The following AP4S1 variants were observed in gnomAD, a reference collection of about 807,000 sequenced individuals.
AP4S1 encodes AP-4 complex subunit sigma-1.
Under a neutral mutation model 19.8 loss-of-function variants are expected in AP4S1, and 23 were observed. The observed-to-expected ratio is 1.16, with a 90% confidence interval of 0.84 to 1.65. The LOEUF (loss-of-function observed/expected upper bound fraction) is 1.65, where lower values mean the gene tolerates loss of function less well. AP4S1 is among the 40% of genes most tolerant of loss of function. AP4S1 has a pLI of 0.00. For synonymous variants in AP4S1, 46 were observed against 54.1 expected, an observed-to-expected ratio of 0.85 and a Z score of 0.66; for missense variants, 166 against 172.8, an observed-to-expected ratio of 0.96 and a Z score of 0.22.
intron 1 of AP4S1, among the ~76,000 whole-genome samples, chr14:31,039,194 CT>C (rs34978552): frequency 4.0e-5 from 6 of 150,798 alleles, no homozygotes; most frequent in African/African-American, 1.2e-4. Flanking sequence ...TTTTTCTTTA[CT>C]TTTTTTTTGA....
At chr14:31,080,114 T>C (rs1887560799) in intron 4 of AP4S1, among the ~76,000 whole-genome samples, 1 of 152,224 alleles carries the variant, frequency 6.6e-6, no homozygotes, top group South Asian at 2.1e-4. Flanking sequence ...CCCTCCTTGA[T>C]AGATATTTAG....
intron 3 of AP4S1, among the ~76,000 whole-genome samples, chr14:31,070,317 T>C (rs1249989566): frequency 6.6e-6 from 1 of 152,236 alleles, no homozygotes; most frequent in Non-Finnish European, 1.5e-5. Context: ...CATAGCTCAC[T>C]GCAGCCTTGA....
At chr14:31,084,444 G>A (rs540176565) in intron 5 of AP4S1, among the ~76,000 whole-genome samples, 18 of 152,334 alleles carry the variant, frequency 1.2e-4, no homozygotes, top group Admixed American at 2.6e-4. Context: ...AGACAGATTG[G>A]ATTTTAAAAA....
intron 1 of AP4S1, chr14:31,026,295 G>T (rs1883926007): frequency 8.3e-7 from 1 of 1,199,190 alleles, no homozygotes; most frequent in Non-Finnish European, 1.1e-6. Flanking sequence ...CGGGAGAGGG[G>T]CGGGGAAGGG....
chr14:31,071,399 T>A (rs531642300), intron 3 of AP4S1, among the ~76,000 whole-genome samples: 3 of 152,236 alleles, frequency 2.0e-5, no homozygotes, highest in South Asian at 4.1e-4. Flanking sequence ...TCTGGCTAGA[T>A]TCATCATGGA....
rs547539005 is a variant in AP4S1 at position 31,095,187 on chromosome 14, C to T, written c.*2152C>T. On this transcript the variant is annotated 3_prime_UTR_variant, in exon 6 of 6. Transcript: ENST00000542754. ...CCAACCTGGGTAATGGAGTGAGGCC[C>T]TGCCTCAAAAACACAAAAACAAAAC... is the stretch of plus-strand genomic sequence containing the variant. The T allele has an allele frequency of 6.6e-6, 1 of 152,180 alleles. No individual in the cohort carries two copies. The highest frequency in any genetic ancestry group is 6.5e-5 in the Admixed American group (1 of 15,278). The allele number at this position is 152,180 out of a possible 1,614,324, so 9.4% of individuals were successfully genotyped here.
intron 1 of AP4S1, among the ~76,000 whole-genome samples, chr14:31,055,697 G>C (rs560800794): frequency 7.0e-6 from 1 of 142,586 alleles, no homozygotes; most frequent in East Asian, 2.0e-4. Context: ...AGGCAAAAAA[G>C]AAATGTTTTT....
chr14:31,039,126 C>G (rs1191188575), intron 1 of AP4S1, among the ~76,000 whole-genome samples: 1 of 152,068 alleles, frequency 6.6e-6, no homozygotes, highest in African/African-American at 2.4e-5. Context: ...CCGCAGCCTC[C>G]CAAAGCACTG....
Position 31,079,313 on chromosome 14 carries a change from T to C in AP4S1, c.295-1260T>C, listed in dbSNP as rs59852042. 7.7e-3 allele frequency among the ~76,000 whole-genome samples: 1,175 copies of C among 152,328 alleles called. 15 individuals carry two copies. Among genetic ancestry groups the C allele is most frequent in the African/African-American group, 0.026 (1,092 of 41,588 alleles). On this transcript the variant is annotated intron_variant, in intron 4 of 5. Coordinates refer to ENST00000542754, the MANE Select transcript of AP4S1 (RefSeq NM_001128126.3). ...AGAGGAAAGCGAATACATGTAGTTA[T>C]GCATTTGTCTAAACCCATGGAATGT...
In AP4S1 at chr14:31,079,680, G is replaced by C. The variant is rs1055957580; in HGVS notation, c.295-893G>C. On this transcript the variant is annotated intron_variant, in intron 4 of 5. Transcript: ENST00000542754. ...GTCTCTACAAAAAATACAAAAATTA[G>C]CCAGGTGTGGTGGCTCACACCTCTA... Among the ~76,000 whole-genome samples, 7 of 152,068 alleles carry C rather than the reference G, an allele frequency of 4.6e-5. No individual in the cohort carries two copies. The South Asian group carries it at 1.0e-3, about 23-fold the overall frequency.
intron 1 of AP4S1, among the ~76,000 whole-genome samples, chr14:31,027,542 G>C (rs780344943): frequency 6.6e-5 from 10 of 151,550 alleles, no homozygotes; most frequent in Non-Finnish European, 1.2e-4. Context: ...CACACCTGTA[G>C]TCCCAGCTCC....
chr14:31,077,936 A>G lies in AP4S1; in HGVS notation c.295-2637A>G, dbSNP rs535827096. 5.8e-4 allele frequency among the ~76,000 whole-genome samples: 88 copies of G among 152,112 alleles called. 2 individuals carry two copies. Among genetic ancestry groups the G allele is most frequent in the Admixed American group, 5.8e-3 (88 of 15,270 alleles). On this transcript the variant is annotated intron_variant, in intron 4 of 5. Coordinates refer to ENST00000542754, the MANE Select transcript of AP4S1 (RefSeq NM_001128126.3). ...TTTTTAGTAGAGTTAGGGTTTCACC[A>G]TATTGGCCAGGATGGTCTCGATTTC...
intron 5 of AP4S1, chr14:31,085,767 G>C: frequency 1.0e-6 from 1 of 952,446 alleles, no homozygotes; most frequent in Non-Finnish European, 1.3e-6. Flanking sequence ...GCGAGACCTT[G>C]TCTTTAAAAA....
chr14:31,090,468 C>G (rs1423203117), intron 5 of AP4S1, among the ~76,000 whole-genome samples: 1 of 152,208 alleles, frequency 6.6e-6, no homozygotes, highest in Non-Finnish European at 1.5e-5. Context: ...CTCATGTCAG[C>G]TCAACCTTAG....
chr14:31,091,511 A>G (rs1438602143), intron 5 of AP4S1, among the ~76,000 whole-genome samples: 4 of 151,548 alleles, frequency 2.6e-5, no homozygotes, highest in Non-Finnish European at 5.9e-5. Flanking sequence ...ATTAATAGGT[A>G]TATCAGAATA....
intron 1 of AP4S1, chr14:31,026,295 G>C: frequency 8.3e-7 from 1 of 1,199,298 alleles, no homozygotes; most frequent in Non-Finnish European, 1.1e-6. Flanking sequence ...CGGGAGAGGG[G>C]CGGGGAAGGG....
At chr14:31,059,106 G>C (rs748651028) in intron 1 of AP4S1, among the ~76,000 whole-genome samples, 37 of 151,932 alleles carry the variant, frequency 2.4e-4, no homozygotes, top group Non-Finnish European at 3.8e-4. Context: ...GTTTATTTTG[G>C]CATTGTATAT....
intron 2 of AP4S1, among the ~76,000 whole-genome samples, chr14:31,069,515 G>A (rs368050088): frequency 5.3e-5 from 8 of 152,202 alleles, no homozygotes; most frequent in Non-Finnish European, 1.0e-4. Flanking sequence ...GCTTATTTTC[G>A]CTTCAGAGGC....
rs1261304152 is a variant in AP4S1, at chr14:31,054,870, A to T, written c.-71-11256A>T. On this transcript the variant is annotated intron_variant, in intron 1 of 5. Transcript: ENST00000542754. ...GTGATAGAGCAAGACTCTGTCTCAA[A>T]AAAAAAAAAAAAAAAAAAAAAAAAA... Among the ~76,000 whole-genome samples the T allele has an allele frequency of 4.2e-3, 211 of 50,096 alleles. 1 individual carries two copies. Among genetic ancestry groups the T allele is most frequent in the African/African-American group, 0.01 (196 of 19,394 alleles). 32.9% of individuals were successfully genotyped at this position (50,096 alleles called of 152,430 possible). A position where few individuals can be genotyped will look rare whatever the true frequency, so the allele number is the denominator to read the frequency against.
Sources: allele counts gnomAD v4.1 joint callset (sites outside exome capture counted in the v4.1 genomes callset), GRCh38; gene constraint gnomAD v4.1.1; transcripts MANE v1.5; gene names NCBI Gene and HGNC (gene_info 2026-07-23, HGNC 2026-07-21).